The following ADAMTS17 variants were observed in gnomAD, a reference collection of about 807,000 sequenced individuals.
ADAMTS17 encodes the protein ADAM metallopeptidase with thrombospondin type 1 motif 17.
A neutral mutation model predicts 141.5 loss-of-function variants in ADAMTS17; 113 were observed. The observed-to-expected ratio is 0.80, with a 90% confidence interval of 0.69 to 0.93. The LOEUF is 0.93. Ranked by LOEUF, ADAMTS17 falls within the 40% of genes least tolerant of loss-of-function variation. The pLI, the probability that ADAMTS17 is intolerant of heterozygous loss-of-function variation, is 0.00. For missense variants in ADAMTS17, 1,659 were observed against 1,517.9 expected, an observed-to-expected ratio of 1.09 and a Z score of -1.54; for synonymous variants, 768 against 630.6, an observed-to-expected ratio of 1.22 and a Z score of -3.27.
intron 13 of ADAMTS17, among the ~76,000 whole-genome samples, chr15:100,112,319 G>A (rs895710975): frequency 6.6e-6 from 1 of 152,124 alleles, no homozygotes; most frequent in African/African-American, 2.4e-5. Flanking sequence ...GGACACTCAG[G>A]CTCCAGAACA....
intron 3 of ADAMTS17, among the ~76,000 whole-genome samples, chr15:100,316,382 C>T (rs1320029444): frequency 6.6e-6 from 1 of 152,222 alleles, no homozygotes; most frequent in Non-Finnish European, 1.5e-5. Context: ...CCAAGAACCC[C>T]CGGATCACAC....
chr15:100,245,997 A>G (rs7173340), intron 7 of ADAMTS17, among the ~76,000 whole-genome samples: 44,628 of 151,864 alleles, frequency 0.29, 7,272 homozygotes, highest in South Asian at 0.38. Context: ...GCACAGAGCA[A>G]GCACACAGAG....
intron 2 of ADAMTS17, among the ~76,000 whole-genome samples, chr15:100,335,526 G>A (rs996531451): frequency 6.6e-6 from 1 of 152,196 alleles, no homozygotes; most frequent in Non-Finnish European, 1.5e-5. Flanking sequence ...GGCCTGCATT[G>A]TCTTTCTCTC....
At chr15:100,007,711 G>T (rs1256066553) in intron 18 of ADAMTS17, among the ~76,000 whole-genome samples, 1 of 152,078 alleles carries the variant, frequency 6.6e-6, no homozygotes, top group Admixed American at 6.5e-5. Context: ...GCGGTGGAAG[G>T]GTGGCGCTGC....
intron 2 of ADAMTS17, among the ~76,000 whole-genome samples, chr15:100,337,555 A>G (rs894196101): frequency 5.9e-5 from 9 of 152,222 alleles, no homozygotes; most frequent in Non-Finnish European, 1.3e-4. Flanking sequence ...TTTGCAGCCC[A>G]GAGCTCCTTG....
chr15:100,074,756 T>TA (rs1293189288), intron 15 of ADAMTS17, among the ~76,000 whole-genome samples: 1 of 152,186 alleles, frequency 6.6e-6, no homozygotes, highest in Non-Finnish European at 1.5e-5. Flanking sequence ...TCTATGCTTC[T>TA]ATAATAACTT....
chr15:99,984,701 G>A (rs1486044428), intron 20 of ADAMTS17, among the ~76,000 whole-genome samples: 2 of 152,232 alleles, frequency 1.3e-5, no homozygotes, highest in East Asian at 1.9e-4. Flanking sequence ...GATGGGGACA[G>A]CAGTAGGGCT....
At chr15:100,206,582 C>T (rs2041573888) in intron 7 of ADAMTS17, among the ~76,000 whole-genome samples, 1 of 152,198 alleles carries the variant, frequency 6.6e-6, no homozygotes, top group East Asian at 1.9e-4. Context: ...AATGTCTCCC[C>T]TTTGCTGGTG....
intron 9 of ADAMTS17, among the ~76,000 whole-genome samples, chr15:100,153,081 G>C (rs981852147): frequency 2.0e-5 from 3 of 152,116 alleles, no homozygotes; most frequent in African/African-American, 7.2e-5. Flanking sequence ...AAATGATTTT[G>C]GAAGAGATTA....
intron 10 of ADAMTS17, among the ~76,000 whole-genome samples, chr15:100,149,937 G>A (rs991556151): frequency 6.6e-5 from 10 of 152,226 alleles, no homozygotes; most frequent in African/African-American, 2.4e-4. Context: ...CACTAGCCTT[G>A]CAAGCAGGAC....
intron 3 of ADAMTS17, among the ~76,000 whole-genome samples, chr15:100,288,210 G>A (rs2044510689): frequency 6.6e-6 from 1 of 152,128 alleles, no homozygotes; most frequent in African/African-American, 2.4e-5. Context: ...AAAAGCAAGA[G>A]TTGCTATTCT....
chr15:99,997,258 G>T lies in ADAMTS17; in HGVS notation c.2796+127C>A. On this transcript the variant is annotated intron_variant, in intron 19 of 21. Coordinates refer to ENST00000268070, the MANE Select transcript of ADAMTS17 (RefSeq NM_139057.4). This position sits in a 1 kb window ranked among gnomAD's most constrained non-coding sequence, Gnocchi z 4.7. ...TGAGATGGAAATTAAGAACACATGA[G>T]CTATAACACAACTTCAAGCTGACCT... The T allele has an allele frequency of 9.9e-7, 1 of 1,014,222 alleles. No homozygotes were observed. Among genetic ancestry groups the T allele is most frequent in the Non-Finnish European group, 1.5e-6 (1 of 650,036 alleles). 62.8% of individuals were successfully genotyped at this position (1,014,222 alleles called of 1,614,324 possible).
intron 8 of ADAMTS17, among the ~76,000 whole-genome samples, chr15:100,196,504 G>A (rs546278868): frequency 1.2e-4 from 19 of 152,334 alleles, no homozygotes; most frequent in South Asian, 6.2e-4. Flanking sequence ...ATTAGGTAAC[G>A]AACAGGAGAG....
At chr15:100,308,644 T>C (rs1045467830) in intron 3 of ADAMTS17, among the ~76,000 whole-genome samples, 5 of 152,036 alleles carry the variant, frequency 3.3e-5, no homozygotes, top group Admixed American at 6.6e-5. Flanking sequence ...GTTGGATTCA[T>C]GAAAAAAGAA....
At chr15:100,308,134 C>T (rs1469183207) in intron 3 of ADAMTS17, among the ~76,000 whole-genome samples, 1 of 152,160 alleles carries the variant, frequency 6.6e-6, no homozygotes, top group Non-Finnish European at 1.5e-5. Context: ...CATCTATTAC[C>T]AAAACATCAT....
chr15:100,230,318 G>C (rs2042439050), intron 7 of ADAMTS17, among the ~76,000 whole-genome samples: 1 of 152,206 alleles, frequency 6.6e-6, no homozygotes, highest in Non-Finnish European at 1.5e-5. Context: ...CTCCACATCA[G>C]ATGCGCATCC....
chr15:99,994,031 G>A (rs2060745444), intron 19 of ADAMTS17, among the ~76,000 whole-genome samples: 1 of 152,240 alleles, frequency 6.6e-6, no homozygotes, highest in South Asian at 2.1e-4. Flanking sequence ...CTCCTGACAC[G>A]CCCACCACAG....
At chr15:100,287,307 G>A (rs1275506599) in intron 3 of ADAMTS17, among the ~76,000 whole-genome samples, 4 of 152,176 alleles carry the variant, frequency 2.6e-5, no homozygotes, top group African/African-American at 9.7e-5. Context: ...AGAGTTCGAA[G>A]ACTGGTTCTC....
At chr15:99,976,585 C>T (rs922109881) in intron 20 of ADAMTS17, 6 of 399,664 alleles carry the variant, frequency 1.5e-5, no homozygotes, top group East Asian at 1.1e-4. Context: ...ATGTTGGAGC[C>T]GTGGAGGTGG....
Sources: gnomAD v4.1 joint callset for allele counts (sites outside exome capture counted in the v4.1 genomes callset) on GRCh38, gnomAD v4.1.1 for gene constraint, Gnocchi (gnomAD v3.1) non-coding constraint, MANE v1.5 for transcripts, NCBI Gene and HGNC (gene_info 2026-07-23, HGNC 2026-07-21) for gene names.